The following SLIT3 variants were observed in gnomAD, a reference collection of about 807,000 sequenced individuals.
The protein encoded by SLIT3 is slit homolog 3 protein.
In SLIT3, 68 loss-of-function variants were observed where a neutral mutation model predicts 184.0. That is an observed-to-expected ratio of 0.37 (90% CI 0.30 to 0.45). The LOEUF (loss-of-function observed/expected upper bound fraction) is 0.45. SLIT3 is among the 20% of genes least tolerant of loss of function. The pLI is 1.00. For missense variants in SLIT3, 1,707 were observed against 2,026.0 expected, an observed-to-expected ratio of 0.84 and a Z score of 3.02; for synonymous variants, 831 against 828.6, an observed-to-expected ratio of 1.00 and a Z score of -0.05.
intron 5 of SLIT3, among the ~76,000 whole-genome samples, chr5:168,847,471 G>A (rs764639989): frequency 3.9e-5 from 6 of 152,128 alleles, no homozygotes; most frequent in Non-Finnish European, 5.9e-5. Flanking sequence ...AAACCACAGC[G>A]GTTACTCCAC....
In SLIT3 at chr5:168,811,237, T is replaced by C. The variant is rs761415370; in HGVS notation, c.794-4650A>G. ...TAGCCATCAGTCTCGTAATAGCAACTAACATGTATTCAATGTGTACTATGT... is the reference window on the plus strand; with the variant it reads ...TAGCCATCAGTCTCGTAATAGCAACCAACATGTATTCAATGTGTACTATGT... On this transcript the variant is annotated intron_variant, in intron 8 of 35. Transcript: ENST00000519560. Among the ~76,000 whole-genome samples, 100 of 152,146 alleles carry C rather than the reference T, an allele frequency of 6.6e-4. 2 individuals are homozygous for C. Among genetic ancestry groups the C allele is most frequent in the Non-Finnish European group, 1.5e-4 (10 of 68,018 alleles).
At chr5:168,780,438 C>A (rs1184681185) in intron 12 of SLIT3, among the ~76,000 whole-genome samples, 8 of 152,278 alleles carry the variant, frequency 5.3e-5, no homozygotes, top group South Asian at 2.1e-4. Flanking sequence ...TTCATGAACA[C>A]TCAGATGCAG....
chr5:169,060,115 C>T (rs1247221085), intron 4 of SLIT3, among the ~76,000 whole-genome samples: 2 of 152,334 alleles, frequency 1.3e-5, no homozygotes, highest in South Asian at 2.1e-4. Context: ...ATAGGCCACG[C>T]GCAGCGGCTC....
chr5:168,903,012 G>T (rs909708496), intron 4 of SLIT3, among the ~76,000 whole-genome samples: 3 of 152,184 alleles, frequency 2.0e-5, no homozygotes, highest in Non-Finnish European at 4.4e-5. Flanking sequence ...TTTCCAGCAG[G>T]AGAGAGTGTA....
rs565159347 is a variant in SLIT3, at chr5:169,210,935, AT to A, written c.342-17386del. ...ATGTTGGGTGTGGCCATGTAACTTGATTTGGTTAACAGAAGGTTGGTGTGAG... is the reference window on the plus strand; with the variant it reads ...ATGTTGGGTGTGGCCATGTAACTTGATTGGTTAACAGAAGGTTGGTGTGAG... On this transcript the variant is annotated intron_variant, in intron 3 of 35. Coordinates refer to ENST00000519560, the MANE Select transcript of SLIT3 (RefSeq NM_003062.4). Among the ~76,000 whole-genome samples the A allele has an allele frequency of 1.1e-3, 173 of 152,282 alleles. 1 individual carries two copies. Among genetic ancestry groups the A allele is most frequent in the Non-Finnish European group, 1.5e-3 (102 of 68,018 alleles).
intron 4 of SLIT3, among the ~76,000 whole-genome samples, chr5:169,139,624 A>G (rs1044663414): frequency 6.6e-5 from 10 of 152,222 alleles, no homozygotes; most frequent in Admixed American, 3.9e-4. Flanking sequence ...TCAAAACAAA[A>G]CATGGGTATA....
chr5:169,112,914 C>T (rs1207923668), intron 4 of SLIT3, among the ~76,000 whole-genome samples: 1 of 152,176 alleles, frequency 6.6e-6, no homozygotes, highest in Non-Finnish European at 1.5e-5. Flanking sequence ...CTTCCATGCA[C>T]CCCTCAGGCC....
chr5:168,823,771 G>C lies in SLIT3; in HGVS notation c.558-440C>G, dbSNP rs35357651. ...TATGGATGAGGAGGCTGAGCCACAG[G>C]GAGGCAAAATAAGTTTTCCAAGAAC... On this transcript the variant is annotated intron_variant, in intron 6 of 35. Coordinates refer to ENST00000519560, the MANE Select transcript of SLIT3 (RefSeq NM_003062.4). Among the ~76,000 whole-genome samples the C allele has an allele frequency of 5.3e-3, 806 of 152,216 alleles. 5 individuals carry two copies. Among genetic ancestry groups the C allele is most frequent in the Middle Eastern group, 0.014 (4 of 294 alleles).
chr5:168,847,024 C>T (rs1211826474), intron 5 of SLIT3, among the ~76,000 whole-genome samples: 1 of 152,180 alleles, frequency 6.6e-6, no homozygotes, highest in Non-Finnish European at 1.5e-5. Context: ...CACAGTCCTG[C>T]TACTCAGCAA....
chr5:168,963,749 G>A (rs11741325), intron 4 of SLIT3, among the ~76,000 whole-genome samples: 279 of 152,332 alleles, frequency 1.8e-3, no homozygotes, highest in Non-Finnish European at 3.3e-3. Flanking sequence ...TGCCAGGTTG[G>A]AACTTGTCGA....
intron 20 of SLIT3, among the ~76,000 whole-genome samples, chr5:168,743,249 T>A (rs1763694398): frequency 6.6e-6 from 1 of 151,962 alleles, no homozygotes; most frequent in Non-Finnish European, 1.5e-5. Context: ...TTGCGTTTTT[T>A]AAAAATTGAA....
intron 4 of SLIT3, chr5:169,017,713 G>A (rs72826552): frequency 0.11 from 16,903 of 152,182 alleles, 2,498 homozygotes; most frequent in African/African-American, 0.34. Flanking sequence ...GTGTCAAAAG[G>A]GGTGTAAATA....
In SLIT3 at chr5:168,666,318, A is replaced by ATACT; in HGVS notation, c.*132_*135dup. 2.6e-6 allele frequency: 2 copies of ATACT among 770,410 alleles called. No homozygotes were observed. Among genetic ancestry groups the ATACT allele is most frequent in the East Asian group, 2.8e-5 (1 of 35,164 alleles). 47.7% of individuals were successfully genotyped at this position (770,410 alleles called of 1,614,324 possible). ...TTCTATTTTTTGTTTATTTTACAAT[A>ATACT]TACTTAATATTCTCTTCTTCTTTAC... On this transcript the variant is annotated 3_prime_UTR_variant, in exon 36 of 36. Coordinates refer to ENST00000519560, the MANE Select transcript of SLIT3 (RefSeq NM_003062.4).
chr5:169,049,769 T>C (rs62379524), intron 4 of SLIT3, among the ~76,000 whole-genome samples: 4 of 152,222 alleles, frequency 2.6e-5, no homozygotes, highest in Non-Finnish European at 5.9e-5. Flanking sequence ...CACTTAAATC[T>C]GCTAGACAGA....
At chr5:169,244,170 G>A (rs927838802) in intron 3 of SLIT3, among the ~76,000 whole-genome samples, 7 of 152,234 alleles carry the variant, frequency 4.6e-5, no homozygotes, top group East Asian at 1.9e-4. Context: ...TCGTGGAAAC[G>A]TGGGGGCTTC....
chr5:168,760,251 C>T lies in SLIT3; in HGVS notation c.1685+611G>A, dbSNP rs1255687156. ...TGGTGCACCAACATCATTCTCATTA[C>T]CTTTATGACTAGGTCTGAGCTCCTG... On this transcript the variant is annotated intron_variant, in intron 16 of 35. Coordinates refer to ENST00000519560, the MANE Select transcript of SLIT3 (RefSeq NM_003062.4). Among the ~76,000 whole-genome samples the T allele has an allele frequency of 1.2e-4, 18 of 152,148 alleles. 1 individual carries two copies. The highest frequency in any genetic ancestry group is 1.2e-3 in the Admixed American group (18 of 15,268).
intron 1 of SLIT3, among the ~76,000 whole-genome samples, chr5:169,259,007 G>T (rs745415115): frequency 1.6e-4 from 24 of 152,178 alleles, no homozygotes; most frequent in Non-Finnish European, 2.6e-4. Context: ...CATTGTTGTT[G>T]CTGTGACTTT....
intron 4 of SLIT3, among the ~76,000 whole-genome samples, chr5:168,998,928 T>TGTGTGTG (rs57544185): frequency 6.6e-6 from 1 of 150,996 alleles, no homozygotes; most frequent in African/African-American, 2.4e-5. Flanking sequence ...TGTGTGTGTG[T>TGTGTGTG]TTTGAGACAG....
chr5:168,881,949 G>A (rs1759970964), intron 5 of SLIT3, among the ~76,000 whole-genome samples: 1 of 152,152 alleles, frequency 6.6e-6, no homozygotes, highest in African/African-American at 2.4e-5. Flanking sequence ...CGGCCTCCTT[G>A]TCCCTGAGCC....
Sources: allele counts gnomAD v4.1 joint callset (sites outside exome capture counted in the v4.1 genomes callset), GRCh38; gene constraint gnomAD v4.1.1; transcripts MANE v1.5; gene names NCBI Gene and HGNC (gene_info 2026-07-23, HGNC 2026-07-21).